The following NBAS variants were observed in gnomAD, a reference collection of about 807,000 sequenced individuals.
NBAS encodes the protein NBAS subunit of NRZ tethering complex, also known as NAG/BC035112 fusion.
Under a neutral mutation model 302.5 loss-of-function variants are expected in NBAS, and 219 were observed. That is an observed-to-expected ratio of 0.72 (90% confidence interval 0.65 to 0.81). The LOEUF (loss-of-function observed/expected upper bound fraction) is 0.81, where lower values mean the gene tolerates loss of function less well. Ranked by LOEUF, NBAS falls within the 30% of genes least tolerant of loss-of-function variation. The pLI is 0.00. For synonymous variants in NBAS, 1,118 were observed against 1,021.6 expected (o/e 1.09, Z -1.80); for missense variants, 2,932 against 2,841.6 (o/e 1.03, Z -0.72).
the NBAS span, among the ~76,000 whole-genome samples, chr2:14,927,727 T>G: frequency 2.4e-4 from 36 of 152,342 alleles, 1 homozygote; most frequent in South Asian, 6.2e-3. Context: ...TTTCTGATTG[T>G]TTTTATCGTA....
the NBAS span, among the ~76,000 whole-genome samples, chr2:14,833,675 A>T: frequency 1.3e-5 from 2 of 151,338 alleles, no homozygotes; most frequent in African/African-American, 4.9e-5. Flanking sequence ...TGTGCGTATT[A>T]CAATTCTTAA....
chr2:15,218,305 G>A (rs947573271), intron 48 of NBAS, among the ~76,000 whole-genome samples: 3 of 151,206 alleles, frequency 2.0e-5, no homozygotes, highest in Non-Finnish European at 4.4e-5. Context: ...AATAAATTTC[G>A]TTGTACATAT....
At chr2:14,927,338 T>A in the NBAS span, among the ~76,000 whole-genome samples, 1 of 152,244 alleles carries the variant, frequency 6.6e-6, no homozygotes, top group Non-Finnish European at 1.5e-5. Context: ...TTGTTCTTTA[T>A]GACCGGCTTG....
At chr2:15,054,926 A>G in the NBAS span, among the ~76,000 whole-genome samples, 1 of 152,236 alleles carries the variant, frequency 6.6e-6, no homozygotes, top group East Asian at 1.9e-4. Context: ...GACTGAGATT[A>G]TCACCCTCCT....
At chr2:15,045,514 T>C in the NBAS span, among the ~76,000 whole-genome samples, 2 of 152,188 alleles carry the variant, frequency 1.3e-5, no homozygotes, top group Non-Finnish European at 2.9e-5. Context: ...TTGTTTTGTT[T>C]TGTTTTTTTA....
chr2:14,824,134 G>A, the NBAS span, among the ~76,000 whole-genome samples: 4 of 152,260 alleles, frequency 2.6e-5, no homozygotes, highest in South Asian at 2.1e-4. Flanking sequence ...TCAGGTGATC[G>A]CACTTAGTCT....
At chr2:15,108,793 T>C in the NBAS span, among the ~76,000 whole-genome samples, 1 of 152,154 alleles carries the variant, frequency 6.6e-6, no homozygotes. Context: ...TAGTCTTTTT[T>C]TTCAATGTCT....
chr2:14,818,859 C>A, the NBAS span, among the ~76,000 whole-genome samples: 1 of 152,322 alleles, frequency 6.6e-6, no homozygotes, highest in East Asian at 1.9e-4. Flanking sequence ...TTTCTGTGAA[C>A]TTGAAATATT....
intron 48 of NBAS, among the ~76,000 whole-genome samples, chr2:15,206,798 A>G (rs1666167884): frequency 6.6e-6 from 1 of 152,232 alleles, no homozygotes; most frequent in African/African-American, 2.4e-5. Context: ...TACAGAAGAC[A>G]CAAGTTGAGT....
chr2:15,353,850 G>T, intron 33 of NBAS, 140 bp from the exon 34 acceptor site: 1 of 1,031,796 alleles, frequency 9.7e-7, no homozygotes, highest in South Asian at 1.4e-5. Flanking sequence ...TATTTTATAA[G>T]CAGAAACAGA....
intron 35 of NBAS, among the ~76,000 whole-genome samples, chr2:15,351,689 T>C (rs894000903): frequency 6.6e-6 from 1 of 151,738 alleles, no homozygotes; most frequent in Non-Finnish European, 1.5e-5. Flanking sequence ...AAAAAGGAAG[T>C]TTAATAAGGA....
intron 6 of NBAS, among the ~76,000 whole-genome samples, chr2:15,542,469 T>G (rs1353160268): frequency 7.6e-6 from 1 of 131,518 alleles, no homozygotes; most frequent in Non-Finnish European, 1.6e-5. Context: ...TAATCTCAAG[T>G]ACCCAGGGAC....
chr2:15,440,731 C>A (rs1007832042), intron 21 of NBAS, among the ~76,000 whole-genome samples: 1 of 151,996 alleles, frequency 6.6e-6, no homozygotes, highest in Non-Finnish European at 1.5e-5. Flanking sequence ...AAATTCAAAC[C>A]AAAGGCAAAG....
At chr2:15,087,024 C>G in the NBAS span, among the ~76,000 whole-genome samples, 3 of 151,046 alleles carry the variant, frequency 2.0e-5, no homozygotes, top group South Asian at 6.3e-4. Flanking sequence ...ATTCTTCCTG[C>G]CTGACAGCCT....
chr2:15,387,218 C>T (rs901258169), intron 28 of NBAS, among the ~76,000 whole-genome samples: 1 of 152,036 alleles, frequency 6.6e-6, no homozygotes, highest in South Asian at 2.1e-4. Flanking sequence ...TAGGCACCTG[C>T]TACCATGCCT....
At chr2:15,091,996 A>G in the NBAS span, among the ~76,000 whole-genome samples, 2 of 152,258 alleles carry the variant, frequency 1.3e-5, no homozygotes, top group African/African-American at 4.8e-5. Context: ...TGGGGAAGCC[A>G]AAAGTTATAC....
chr2:15,164,841 G>C (rs79514337), downstream of NBAS, among the ~76,000 whole-genome samples: 2 of 151,896 alleles, frequency 1.3e-5, no homozygotes, highest in Non-Finnish European at 2.9e-5. Flanking sequence ...CCCCCTCCCC[G>C]CCGCCCACAG....
At chr2:15,100,217 G>A in the NBAS span, among the ~76,000 whole-genome samples, 6 of 152,190 alleles carry the variant, frequency 3.9e-5, no homozygotes, top group East Asian at 3.9e-4. Flanking sequence ...ACTTTCATGT[G>A]AGCCATGAAA....
At chr2:14,856,872 G>T in the NBAS span, among the ~76,000 whole-genome samples, 1 of 150,268 alleles carries the variant, frequency 6.7e-6, no homozygotes, top group South Asian at 2.1e-4. Flanking sequence ...TTGGAAAAAA[G>T]GTATTCAAAT....
Sources: gnomAD v4.1 joint callset for allele counts (sites outside exome capture counted in the v4.1 genomes callset) on GRCh38, gnomAD v4.1.1 for gene constraint, MANE v1.5 for transcripts, NCBI Gene and HGNC (gene_info 2026-07-23, HGNC 2026-07-21) for gene names.